STUM: variants seen among roughly 807,000 people sequenced by gnomAD.
STUM encodes protein stum homolog.
A neutral mutation model predicts 15.3 loss-of-function variants in STUM; 8 were observed. The observed-to-expected ratio is 0.52, with a 90% CI of 0.31 to 0.94. STUM has a LOEUF of 0.94. Among genes scored for constraint, STUM ranks in the 40% least tolerant of loss-of-function variants. The pLI, the probability that STUM is intolerant of heterozygous loss-of-function variation, is 0.05. For synonymous variants in STUM, 78 were observed against 88.7 expected (o/e 0.88, Z 0.68); for missense variants, 142 against 204.9 (o/e 0.69, Z 1.87).
chr1:226,597,900 G>C (rs572741921), intron 2 of STUM, among the ~76,000 whole-genome samples: 1 of 152,318 alleles, frequency 6.6e-6, no homozygotes, highest in East Asian at 1.9e-4. Context: ...GCTGGCTACT[G>C]GGGCAGCCAG....
rs1667816915 is a variant in STUM at position 226,576,450 on chromosome 1, C to G, written c.203-20352C>G. Among the ~76,000 whole-genome samples, 3 of 152,362 alleles carry G rather than the reference C, an allele frequency of 2.0e-5. No individual in the cohort carries two copies. The South Asian group carries it at 6.2e-4, about 32-fold the overall frequency. Reference sequence around the variant, plus strand: ...TCGTGGAGAGATTACATGATTGAGGCTCCTGAGTGGCTGCTGTGTGGAGTG... The same window carrying G: ...TCGTGGAGAGATTACATGATTGAGGGTCCTGAGTGGCTGCTGTGTGGAGTG... On this transcript the variant is annotated intron_variant, in intron 1 of 3. Coordinates refer to ENST00000366788, the MANE Select transcript of STUM (RefSeq NM_001003665.4).
At chr1:226,560,543 G>C (rs997474088) in intron 1 of STUM, among the ~76,000 whole-genome samples, 3 of 152,192 alleles carry the variant, frequency 2.0e-5, no homozygotes, top group Non-Finnish European at 4.4e-5. Context: ...CAATGAAAAT[G>C]GAATAGCACA....
intron 1 of STUM, among the ~76,000 whole-genome samples, chr1:226,595,586 G>A (rs1025124855): frequency 1.3e-5 from 2 of 152,230 alleles, no homozygotes; most frequent in African/African-American, 4.8e-5. Flanking sequence ...GCTACTTGAT[G>A]TAGTAAAATG....
chr1:226,582,391 G>A lies in STUM; in HGVS notation c.203-14411G>A, dbSNP rs577481362. 5.9e-5 allele frequency among the ~76,000 whole-genome samples: 9 copies of A among 152,236 alleles called. No homozygotes were observed. In the South Asian group the frequency reaches 1.5e-3, roughly 25 times the overall value. On this transcript the variant is annotated intron_variant, in intron 1 of 3. Transcript: ENST00000366788. ...GTGGATCCCCTGAGGTCAGGAGTTC[G>A]AGACCAGCCTGGCCAACATGGTAAG...
Position 226,549,089 on chromosome 1 carries a change from C to T in STUM, c.185C>T (p.Thr62Ile). The change falls in exon 1 of 4, where the codon ACT becomes ATT. Residue 62 changes from threonine (T) to isoleucine (I), a missense_variant. By Grantham distance (89) the Thr-to-Ile change is moderately conservative. Coordinates refer to ENST00000366788, the MANE Select transcript of STUM (RefSeq NM_001003665.4). This position sits in a 1 kb window ranked among gnomAD's most constrained non-coding sequence, Gnocchi z 6.8. ...PVAVICLFLNTFVPGLGTFVS... is the reference protein window; with the variant it reads ...PVAVICLFLNIFVPGLGTFVS... ...GCCGTCATCTGCCTCTTCCTCAACA[C>T]TTTCGTGCCGGGACTGGGTAAGACA... 1.3e-6 allele frequency: 2 copies of T among 1,580,140 alleles called. No individual in the cohort carries two copies. The highest frequency in any genetic ancestry group is 1.7e-6 in the Non-Finnish European group (2 of 1,165,922).
chr1:226,600,602 C>T lies in STUM; in HGVS notation c.383-64C>T, dbSNP rs1668248572. On this transcript the variant is annotated intron_variant, in intron 2 of 3. Coordinates refer to ENST00000366788, the MANE Select transcript of STUM (RefSeq NM_001003665.4). This position sits in a 1 kb window ranked among gnomAD's most constrained non-coding sequence, Gnocchi z 5.2. ...CGTTCCCTGTGGCTCTGTTTTCAGG[C>T]TGTGTTTTCTCTTCTTCTCTCTCTC... 1 of 1,594,284 alleles carries T rather than the reference C, an allele frequency of 6.3e-7. No homozygotes were observed. The highest frequency in any genetic ancestry group is 8.6e-7 in the Non-Finnish European group (1 of 1,167,792).
intron 3 of STUM, among the ~76,000 whole-genome samples, chr1:226,601,317 G>A (rs2102714838): frequency 6.6e-6 from 1 of 152,218 alleles, no homozygotes; most frequent in East Asian, 1.9e-4. Context: ...TAGTAAGACG[G>A]GATTTCACTG....
At chr1:226,562,534 A>G (rs1218359683) in intron 1 of STUM, among the ~76,000 whole-genome samples, 4 of 152,104 alleles carry the variant, frequency 2.6e-5, no homozygotes, top group Non-Finnish European at 2.9e-5. Context: ...AATTAACATC[A>G]TCAACAAGGG....
intron 2 of STUM, 129 bp downstream of exon 2, chr1:226,597,110 C>T (rs575350803): frequency 1.4e-5 from 13 of 902,522 alleles, no homozygotes; most frequent in Non-Finnish European, 2.1e-5. Context: ...GAGGGCTTGC[C>T]CGTGTCCTCT....
rs145497854 is a variant in STUM, at chr1:226,565,997, A to G, written c.202+16891A>G. Among the ~76,000 whole-genome samples, 2 of 152,324 alleles carry G rather than the reference A, an allele frequency of 1.3e-5. No homozygotes were observed. Among genetic ancestry groups the G allele is most frequent in the East Asian group, 3.9e-4 (2 of 5,186 alleles). ...CAGAAGATATTGAAAGCAAATCGCT[A>G]CTCAGTCCAGGGTACTCCCCTCTCC... is the stretch of plus-strand genomic sequence containing the variant. On this transcript the variant is annotated intron_variant, in intron 1 of 3. Transcript: ENST00000366788. The surrounding 1 kb of genome is among the most constrained non-coding windows in gnomAD (Gnocchi z 4.4).
chr1:226,603,869 G>T lies in STUM; in HGVS notation c.*1829G>T, dbSNP rs777549153. 6.6e-6 allele frequency: 1 copy of T among 152,342 alleles called. No homozygotes were observed. The highest frequency in any genetic ancestry group is 2.4e-5 in the African/African-American group (1 of 41,426). 9.4% of individuals were successfully genotyped at this position (152,342 alleles called of 1,614,324 possible). A position where few individuals can be genotyped will look rare whatever the true frequency, so the allele number is the denominator to read the frequency against. On this transcript the variant is annotated 3_prime_UTR_variant, in exon 4 of 4. Coordinates refer to ENST00000366788, the MANE Select transcript of STUM (RefSeq NM_001003665.4). ...CCTTTGCCTTCTTCTCTCCTGTTTG[G>T]AAGCCTCTGTATCTTCAAGGTGTGG...
At chr1:226,551,732 G>A (rs1667379109) in intron 1 of STUM, among the ~76,000 whole-genome samples, 1 of 152,220 alleles carries the variant, frequency 6.6e-6, no homozygotes, top group Non-Finnish European at 1.5e-5. Flanking sequence ...AATCAGTCAG[G>A]ATGTCATAGA....
In STUM at chr1:226,572,775, G is replaced by A. The variant is rs544354892; in HGVS notation, c.202+23669G>A. On this transcript the variant is annotated intron_variant, in intron 1 of 3. Transcript: ENST00000366788. ...ATTGAGCAGGAAAGTCAGGGTCCGC[G>A]GTACTAGTTCTGCAGGAATGGCTTC... Among the ~76,000 whole-genome samples, 11 of 152,334 alleles carry A rather than the reference G, an allele frequency of 7.2e-5. 1 individual carries two copies. The East Asian group carries it at 1.7e-3, about 24-fold the overall frequency.
Position 226,600,606 on chromosome 1 carries a change from G to A in STUM, c.383-60G>A. On this transcript the variant is annotated intron_variant, in intron 2 of 3. Transcript: ENST00000366788. This position sits in a 1 kb window ranked among gnomAD's most constrained non-coding sequence, Gnocchi z 5.2. ...CCCTGTGGCTCTGTTTTCAGGCTGT[G>A]TTTTCTCTTCTTCTCTCTCTCCTCT... 1 of 1,603,520 alleles carries A rather than the reference G, an allele frequency of 6.2e-7. No individual in the cohort carries two copies. Among genetic ancestry groups the A allele is most frequent in the Non-Finnish European group, 8.5e-7 (1 of 1,175,702 alleles).
chr1:226,573,853 T>G (rs1667760946), intron 1 of STUM, among the ~76,000 whole-genome samples: 2 of 149,520 alleles, frequency 1.3e-5, no homozygotes, highest in African/African-American at 4.9e-5. Flanking sequence ...TTTTTTTTTT[T>G]GAGATGGAGT....
intron 1 of STUM, among the ~76,000 whole-genome samples, chr1:226,578,059 C>G (rs140659071): frequency 2.0e-5 from 3 of 152,100 alleles, no homozygotes; most frequent in Non-Finnish European, 2.9e-5. Flanking sequence ...CTGCCCTCCC[C>G]GTGGGCCCAG....
rs1668246846 is a variant in STUM, at chr1:226,600,475, T to C, written c.383-191T>C. On this transcript the variant is annotated intron_variant, in intron 2 of 3. Coordinates refer to ENST00000366788, the MANE Select transcript of STUM (RefSeq NM_001003665.4). This position sits in a 1 kb window ranked among gnomAD's most constrained non-coding sequence, Gnocchi z 5.2. ...CCACTGTGGCTGTCACCATGAGTAC[T>C]GAGCACTCCCTGCCTGGGGATGGCG... 1.5e-6 allele frequency: 1 copy of C among 663,558 alleles called. No individual in the cohort carries two copies. The highest frequency in any genetic ancestry group is 2.7e-6 in the Non-Finnish European group (1 of 376,054). The allele number at this position is 663,558 out of a possible 1,614,324, so 41.1% of individuals were successfully genotyped here.
chr1:226,601,084 C>T (rs894235796), intron 3 of STUM, among the ~76,000 whole-genome samples: 1 of 152,138 alleles, frequency 6.6e-6, no homozygotes, highest in Non-Finnish European at 1.5e-5. Flanking sequence ...AAATTCTGCT[C>T]ATGTAATAGC....
Position 226,557,024 on chromosome 1 carries a change from G to A in STUM, c.202+7918G>A, listed in dbSNP as rs548561727. Among the ~76,000 whole-genome samples, 46 of 152,232 alleles carry A rather than the reference G, an allele frequency of 3.0e-4. 1 individual carries two copies. In the South Asian group the frequency reaches 9.0e-3, roughly 30 times the overall value. ...CTCCCTTAGCAACTTTGAAATGTAC[G>A]ATACTCTATTATTAACTATATTTAC... On this transcript the variant is annotated intron_variant, in intron 1 of 3. Transcript: ENST00000366788.
Sources: allele counts gnomAD v4.1 joint callset (sites outside exome capture counted in the v4.1 genomes callset), GRCh38; gene constraint gnomAD v4.1.1; non-coding constraint Gnocchi (gnomAD v3.1); transcripts MANE v1.5; gene names NCBI Gene and HGNC (gene_info 2026-07-23, HGNC 2026-07-21).